Variants in SHROOM4 observed in about 807,000 individuals in gnomAD.
SHROOM4 encodes the protein shroom family member 4.
Under a neutral mutation model 80.3 loss-of-function variants are expected in SHROOM4, and 17 were observed. The observed-to-expected ratio is 0.21, with a 90% CI of 0.14 to 0.32. The LOEUF is 0.32. Ranked by LOEUF, SHROOM4 falls within the 10% of genes least tolerant of loss-of-function variation. The pLI is 1.00. For synonymous variants in SHROOM4, 400 were observed against 437.5 expected, an observed-to-expected ratio of 0.91 and a Z score of 1.07; for missense variants, 993 against 1,140.3, an observed-to-expected ratio of 0.87 and a Z score of 1.86.
At chrX:50,722,609 C>T (rs1324993980) in intron 1 of SHROOM4, among the ~76,000 whole-genome samples, 1 of 110,838 alleles carries the variant, frequency 9.0e-6, no homozygotes, top group Non-Finnish European at 1.9e-5. Context: ...TTGCAAAAGC[C>T]TTCCAGGCCT....
At chrX:50,603,711 C>T (rs1020474723) in intron 6 of SHROOM4, among the ~76,000 whole-genome samples, 4 of 111,829 alleles carry the variant, frequency 3.6e-5, no homozygotes, top group Non-Finnish European at 7.5e-5. Flanking sequence ...TTCTCAGAGC[C>T]CCAGCCCATG....
At chrX:50,599,428 A>G (rs1414721987) in intron 7 of SHROOM4, among the ~76,000 whole-genome samples, 2 of 111,261 alleles carry the variant, frequency 1.8e-5, no homozygotes, top group African/African-American at 3.3e-5. Context: ...GACATTATTG[A>G]GCTTCACTTT....
At chrX:50,786,460 G>A (rs1243009458) in intron 1 of SHROOM4, among the ~76,000 whole-genome samples, 2 of 111,924 alleles carry the variant, frequency 1.8e-5, no homozygotes, top group African/African-American at 6.5e-5. Context: ...TTTTTGTGGG[G>A]GATGCACAAA....
chrX:50,730,847 A>G (rs1319320829), intron 1 of SHROOM4, among the ~76,000 whole-genome samples: 1 of 111,544 alleles, frequency 9.0e-6, no homozygotes, highest in Non-Finnish European at 1.9e-5. Flanking sequence ...TAGAAATTTA[A>G]TACATATGAC....
intron 1 of SHROOM4, among the ~76,000 whole-genome samples, chrX:50,813,471 G>A (rs1279608110): frequency 2.7e-5 from 3 of 112,319 alleles, no homozygotes; most frequent in Non-Finnish European, 5.6e-5. Flanking sequence ...CCCGCCGGTC[G>A]ATAGAGGGGA....
At chrX:50,648,716 A>G (rs1557258255) in intron 2 of SHROOM4, among the ~76,000 whole-genome samples, 1 of 112,289 alleles carries the variant, frequency 8.9e-6, no homozygotes, top group East Asian at 2.8e-4. Context: ...GCCATGCCAG[A>G]TTTGCATGAA....
At chrX:50,767,035 T>C (rs558307046) in intron 1 of SHROOM4, among the ~76,000 whole-genome samples, 13 of 112,079 alleles carry the variant, frequency 1.2e-4, no homozygotes, top group Middle Eastern at 9.4e-3. Flanking sequence ...ATGATAACAT[T>C]CAGTGCTGCA....
chrX:50,723,393 G>GGAGAGAGAGAGAGAGA (rs782457909), intron 1 of SHROOM4, among the ~76,000 whole-genome samples: 1 of 54,459 alleles, frequency 1.8e-5, no homozygotes, highest in African/African-American at 6.6e-5. Context: ...AGCAAGGGAG[G>GGAGAGAGAGAGAGAGA]GAGAGAGAGA....
chrX:50,614,802 A>T (rs1441657814), intron 5 of SHROOM4, among the ~76,000 whole-genome samples: 2 of 112,546 alleles, frequency 1.8e-5, no homozygotes, highest in Non-Finnish European at 3.8e-5. Context: ...TAATCACAAA[A>T]GACTGGAAAC....
downstream of SHROOM4, among the ~76,000 whole-genome samples, chrX:50,582,318 A>G (rs1928681185): frequency 8.9e-6 from 1 of 111,795 alleles, no homozygotes; most frequent in African/African-American, 3.3e-5. Flanking sequence ...CAGAGGACCC[A>G]GCTAAGCTGT....
chrX:50,742,319 T>C (rs944049629), intron 1 of SHROOM4, among the ~76,000 whole-genome samples: 20 of 111,916 alleles, frequency 1.8e-4, no homozygotes, highest in Non-Finnish European at 3.4e-4. Context: ...TATTAACAAC[T>C]TATATTAGTA....
At chrX:50,682,337 C>T (rs1217064626) in intron 2 of SHROOM4, among the ~76,000 whole-genome samples, 2 of 111,825 alleles carry the variant, frequency 1.8e-5, no homozygotes, top group African/African-American at 3.2e-5. Flanking sequence ...TGCCTGACAA[C>T]CCAATACCCC....
rs144770177 is a variant in SHROOM4 at position 50,618,541 on chromosome X, C to T, written c.2957+9073G>A. On this transcript the variant is annotated intron_variant, in intron 5 of 8. Transcript: ENST00000376020. ...CATGCCTCAGCCTCCCCGTGTGCCA[C>T]CATGCCTAGCTAATTTTTGTATTTT... Among the ~76,000 whole-genome samples, 24 of 109,556 alleles carry T rather than the reference C, an allele frequency of 2.2e-4. 1 individual carries two copies. In the East Asian group the frequency reaches 6.0e-3, roughly 28 times the overall value.
intron 1 of SHROOM4, among the ~76,000 whole-genome samples, chrX:50,803,195 T>C (rs1936163673): frequency 9.0e-6 from 1 of 111,334 alleles, no homozygotes; most frequent in Non-Finnish European, 1.9e-5. Context: ...TCTCAAAAAA[T>C]AAAATAAAAG....
Position 50,591,047 on chromosome X carries a change from G to A in SHROOM4, c.*5648C>T, listed in dbSNP as rs1328862866. Among the ~76,000 whole-genome samples the A allele has an allele frequency of 8.9e-6, 1 of 111,881 alleles. No individual in the cohort carries two copies. The highest frequency in any genetic ancestry group is 1.9e-5 in the Non-Finnish European group (1 of 53,107). On this transcript the variant is annotated 3_prime_UTR_variant, in exon 9 of 9. Transcript: ENST00000376020. ...TTTCTTCTAAGAATTTTATAATTTT[G>A]ACTCTTACATTCTATAATCCATTTT...
At chrX:50,685,924 C>G (rs1353017733) in intron 2 of SHROOM4, among the ~76,000 whole-genome samples, 1 of 112,053 alleles carries the variant, frequency 8.9e-6, no homozygotes, top group Non-Finnish European at 1.9e-5. Context: ...GTCATTTTCA[C>G]AACTTGAGCT....
At chrX:50,606,049 A>G (rs2147226340) in intron 6 of SHROOM4, among the ~76,000 whole-genome samples, 1 of 108,595 alleles carries the variant, frequency 9.2e-6, no homozygotes, top group South Asian at 4.3e-4. Context: ...CAGCTTGAGA[A>G]GCAGCCACAT....
At chrX:50,614,084 C>T (rs1930119659) in intron 5 of SHROOM4, among the ~76,000 whole-genome samples, 1 of 111,571 alleles carries the variant, frequency 9.0e-6, no homozygotes, top group Non-Finnish European at 1.9e-5. Context: ...AACTGGATAG[C>T]CATTGAGACA....
At chrX:50,642,069 C>A (rs1931622588) in intron 2 of SHROOM4, among the ~76,000 whole-genome samples, 1 of 112,237 alleles carries the variant, frequency 8.9e-6, no homozygotes, top group Non-Finnish European at 1.9e-5. Flanking sequence ...AGCCTTCTAA[C>A]CCTAGTTTGG....
Sources: allele counts gnomAD v4.1 joint callset (sites outside exome capture counted in the v4.1 genomes callset), GRCh38; gene constraint gnomAD v4.1.1; transcripts MANE v1.5; gene names NCBI Gene and HGNC (gene_info 2026-07-23, HGNC 2026-07-21).